NOTCH2NLR: variants seen among roughly 807,000 people sequenced by gnomAD.
NOTCH2NLR encodes notch 2 N-terminal like R.
Under a neutral mutation model 35.6 loss-of-function variants are expected in NOTCH2NLR, and 33 were observed. The observed-to-expected ratio is 0.93, with a 90% CI of 0.70 to 1.24. The LOEUF (loss-of-function observed/expected upper bound fraction) is 1.24, where lower values mean the gene tolerates loss of function less well. Among genes scored for constraint, NOTCH2NLR ranks in the 50% most tolerant of loss-of-function variants. The probability of loss-of-function intolerance (pLI) is 0.00; values close to 1 mark genes in which losing one functional copy is unlikely to be tolerated. For missense variants in NOTCH2NLR, 276 were observed against 362.2 expected (o/e 0.76, Z 1.93); for synonymous variants, 103 against 141.0 (o/e 0.73, Z 1.91).
chr1:120,724,105 C>G (rs1557978759), exon 1 of NOTCH2NLR: 1 of 1,337,952 alleles, frequency 7.5e-7, no homozygotes, highest in South Asian at 1.4e-5. Context: ...CTATCGGGAC[C>G]CCCTCCCCAT....
Position 120,770,811 on chromosome 1 carries a change from T to C in NOTCH2NLR, c.155+7102T>C, listed in dbSNP as rs1250692318. Among the ~76,000 whole-genome samples, 34 of 117,460 alleles carry C rather than the reference T, an allele frequency of 2.9e-4. 10 individuals carry two copies. The highest frequency in any genetic ancestry group is 2.7e-3 in the Admixed American group (34 of 12,478). 77.1% of individuals were successfully genotyped at this position (117,460 alleles called of 152,430 possible). A position where few individuals can be genotyped will look rare whatever the true frequency, so the allele number is the denominator to read the frequency against. On this transcript the variant is annotated intron_variant, in intron 2 of 4. Coordinates refer to ENST00000624419, the Ensembl canonical transcript of NOTCH2NLR. ...AGTTGGTAGTTCAAATGGAACCTTC[T>C]GAAAAGGAAGTGTGGAACATTTGAA...
At chr1:120,730,009 A>G (rs1650858522) in intron 1 of NOTCH2NLR, among the ~76,000 whole-genome samples, 1 of 100,492 alleles carries the variant, frequency 1.0e-5, no homozygotes, top group Non-Finnish European at 1.8e-5. Context: ...CTGCTATGGT[A>G]TAAGGTTAGT....
rs1651250342 is a variant in NOTCH2NLR, at chr1:120,770,463, C to G, written c.155+6754C>G. Among the ~76,000 whole-genome samples, 4 of 112,968 alleles carry G rather than the reference C, an allele frequency of 3.5e-5. 1 individual carries two copies. The South Asian group carries it at 1.0e-3, about 29-fold the overall frequency. The allele number at this position is 112,968 out of a possible 152,430, so 74.1% of individuals were successfully genotyped here. ...GGATTACAGGCGTGAGCCACCACAC[C>G]CAGCCGAGGACATAGGTTTTTTTAT... On this transcript the variant is annotated intron_variant, in intron 2 of 4. Coordinates refer to ENST00000624419, the Ensembl canonical transcript of NOTCH2NLR.
chr1:120,769,682 G>C (rs1480747046), intron 2 of NOTCH2NLR, among the ~76,000 whole-genome samples: 1 of 118,540 alleles, frequency 8.4e-6, no homozygotes, highest in Non-Finnish European at 1.6e-5. Context: ...CTATTTATGT[G>C]TACCACATAT....
intron 1 of NOTCH2NLR, among the ~76,000 whole-genome samples, chr1:120,725,942 A>C (rs1183818623): frequency 2.8e-5 from 3 of 106,094 alleles, no homozygotes; most frequent in Non-Finnish European, 5.3e-5. Flanking sequence ...GAGGGTAATA[A>C]TCCTTGGTCT....
intron 2 of NOTCH2NLR, among the ~76,000 whole-genome samples, chr1:120,770,178 GT>G (rs1174915535): frequency 3.2e-5 from 3 of 93,592 alleles, no homozygotes; most frequent in African/African-American, 6.5e-5. Flanking sequence ...TTTTGTTGTT[GT>G]TTTTTTTTGA....
At chr1:120,752,548 ATATATATTTTTT>A (rs1441745152) in intron 1 of NOTCH2NLR, among the ~76,000 whole-genome samples, 6 of 11,270 alleles carry the variant, frequency 5.3e-4, no homozygotes, top group African/African-American at 2.3e-3. Context: ...ATATATATAT[ATATATATTTTTT>A]TTTTTTTTTT....
chr1:120,770,211 C>A (rs1651246701), intron 2 of NOTCH2NLR, among the ~76,000 whole-genome samples: 1 of 99,280 alleles, frequency 1.0e-5, no homozygotes, highest in South Asian at 3.0e-4. Context: ...GCTCTGTGGC[C>A]CAGGCTGGAG....
At chr1:120,768,627 G>A (rs1473289936) in intron 2 of NOTCH2NLR, among the ~76,000 whole-genome samples, 2 of 108,826 alleles carry the variant, frequency 1.8e-5, no homozygotes, top group Non-Finnish European at 3.4e-5. Flanking sequence ...AAACAAAACT[G>A]TAAATGTGGG....
rs1651459646 is a variant in NOTCH2NLR, at chr1:120,789,494, C to T, written c.416-3667C>T. 3.5e-5 allele frequency among the ~76,000 whole-genome samples: 4 copies of T among 113,860 alleles called. 1 individual carries two copies. Among genetic ancestry groups the T allele is most frequent in the African/African-American group, 2.1e-4 (4 of 18,796 alleles). The allele number at this position is 113,860 out of a possible 152,430, so 74.7% of individuals were successfully genotyped here. The stretch of plus-strand genomic sequence containing the variant: ...GTGGCAAGAGAAAATTAGGAAGAAG[C>T]AAAAGCAGAACCCCTGAGGAACCCA... On this transcript the variant is annotated intron_variant, in intron 3 of 4. Coordinates refer to ENST00000624419, the Ensembl canonical transcript of NOTCH2NLR.
intron 2 of NOTCH2NLR, among the ~76,000 whole-genome samples, chr1:120,767,873 CATTT>C (rs1213477109): frequency 8.8e-6 from 1 of 113,136 alleles, no homozygotes; most frequent in Non-Finnish European, 1.7e-5. Context: ...ATTTTAAGGA[CATTT>C]ATTGTAGTTA....
At chr1:120,792,755 CTCCCAAAG>C (rs1169430877) in intron 3 of NOTCH2NLR, among the ~76,000 whole-genome samples, 3 of 103,052 alleles carry the variant, frequency 2.9e-5, no homozygotes, top group African/African-American at 6.3e-5. Context: ...CTGCCTCGGC[CTCCCAAAG>C]TGCTGGAATT....
intron 2 of NOTCH2NLR, among the ~76,000 whole-genome samples, chr1:120,764,062 C>T (rs1404881772): frequency 1.8e-5 from 2 of 111,410 alleles, no homozygotes; most frequent in Admixed American, 1.8e-4. Context: ...GCCTGGCCAA[C>T]ATAGTGAAAC....
exon 4 of NOTCH2NLR, chr1:120,793,262 G>T (rs1651513335): frequency 6.4e-6 from 9 of 1,397,150 alleles, no homozygotes; most frequent in Non-Finnish European, 8.7e-6. Flanking sequence ...ATGCCTCACA[G>T]GCTTCACAGG....
rs1228038318 is a variant in NOTCH2NLR at position 120,734,392 on chromosome 1, G to C, written c.73+10142G>C. On this transcript the variant is annotated intron_variant, in intron 1 of 4. Coordinates refer to ENST00000624419, the Ensembl canonical transcript of NOTCH2NLR. ...ACCAAGGAAGGAAACCTATTTGAAG[G>C]ATTACAATATTTTCTTTTTTTTTTT... 7.1e-5 allele frequency among the ~76,000 whole-genome samples: 6 copies of C among 84,206 alleles called. No homozygotes were observed. In the East Asian group the frequency reaches 1.0e-3, roughly 14 times the overall value. 55.2% of individuals were successfully genotyped at this position (84,206 alleles called of 152,430 possible).
chr1:120,727,514 T>A (rs1650828110), intron 1 of NOTCH2NLR, among the ~76,000 whole-genome samples: 1 of 107,328 alleles, frequency 9.3e-6, no homozygotes, highest in South Asian at 2.8e-4. Context: ...TTAGATGATA[T>A]AATAAATTCT....
chr1:120,793,174 A>G, exon 4 of NOTCH2NLR: 4 of 1,435,484 alleles, frequency 2.8e-6, no homozygotes, highest in Non-Finnish European at 3.7e-6. Flanking sequence ...AGGAGTGCCA[A>G]TGGACCGATG....
chr1:120,770,787 G>T lies in NOTCH2NLR; in HGVS notation c.155+7078G>T, dbSNP rs1490238314. On this transcript the variant is annotated intron_variant, in intron 2 of 4. Transcript: ENST00000624419. Reference sequence around the variant, plus strand: ...AATGGGACAGAATTACCTGTTTTAAGTTGGTAGTTCAAATGGAACCTTCTG... The same window carrying T: ...AATGGGACAGAATTACCTGTTTTAATTTGGTAGTTCAAATGGAACCTTCTG... Among the ~76,000 whole-genome samples the T allele has an allele frequency of 3.4e-5, 4 of 117,266 alleles. 1 individual carries two copies. The highest frequency in any genetic ancestry group is 6.6e-5 in the Non-Finnish European group (4 of 60,948). The allele number at this position is 117,266 out of a possible 152,430, so 76.9% of individuals were successfully genotyped here.
At chr1:120,778,003 C>T (rs1204815224) in intron 2 of NOTCH2NLR, among the ~76,000 whole-genome samples, 1,145 of 82,154 alleles carry the variant, frequency 0.014, 150 homozygotes, top group Non-Finnish European at 0.019. Flanking sequence ...TAGTCGGAGC[C>T]TTGGGAATTG....
Sources: allele counts gnomAD v4.1 joint callset (sites outside exome capture counted in the v4.1 genomes callset), GRCh38; gene constraint gnomAD v4.1.1; transcripts MANE v1.5; gene names NCBI Gene and HGNC (gene_info 2026-07-23, HGNC 2026-07-21).